ZFHX3: variants seen among roughly 807,000 people sequenced by gnomAD.
ZFHX3 encodes the protein zinc finger homeobox protein 3.
ZFHX3 carries 42 observed loss-of-function variants against 279.1 expected under a neutral mutation model. That is an observed-to-expected ratio of 0.15 (90% CI 0.12 to 0.19). The LOEUF is 0.19. ZFHX3 is among the 10% of genes least tolerant of loss of function. The pLI is 1.00. For missense variants in ZFHX3, 4,981 were observed against 4,754.0 expected (o/e 1.05, Z -1.40); for synonymous variants, 2,293 against 1,957.8 (o/e 1.17, Z -4.52).
intron 1 of ZFHX3, among the ~76,000 whole-genome samples, chr16:73,056,996 G>A (rs1039616070): frequency 5.9e-5 from 9 of 152,102 alleles, no homozygotes; most frequent in African/African-American, 1.9e-4. Context: ...TTACAGCCAA[G>A]CGATCACCGT....
chr16:73,187,011 G>T (rs964925202), intron 5 of ZFHX3, among the ~76,000 whole-genome samples: 1 of 152,226 alleles, frequency 6.6e-6, no homozygotes, highest in African/African-American at 2.4e-5. Flanking sequence ...AGGCCAGAAA[G>T]GTTGACCCTT....
chr16:73,716,047 T>G (rs1439979718), intron 1 of ZFHX3, among the ~76,000 whole-genome samples: 1 of 152,226 alleles, frequency 6.6e-6, no homozygotes, highest in Non-Finnish European at 1.5e-5. Flanking sequence ...TATTGACGTC[T>G]TTTGTCTATT....
intron 2 of ZFHX3, among the ~76,000 whole-genome samples, chr16:73,481,911 G>A (rs2018876648): frequency 6.6e-6 from 1 of 152,176 alleles, no homozygotes; most frequent in Non-Finnish European, 1.5e-5. Flanking sequence ...CAGGGAGGGT[G>A]AGAAAGGTCT....
intron 1 of ZFHX3, among the ~76,000 whole-genome samples, chr16:73,874,047 G>C (rs1440128071): frequency 6.6e-6 from 1 of 152,074 alleles, no homozygotes; most frequent in Non-Finnish European, 1.5e-5. Context: ...CTCAGGATTA[G>C]GGTCAGATGA....
At chr16:73,191,501 T>C (rs1449885783) in intron 5 of ZFHX3, among the ~76,000 whole-genome samples, 2 of 152,326 alleles carry the variant, frequency 1.3e-5, no homozygotes, top group East Asian at 3.9e-4. Context: ...TCAAGTCATT[T>C]GGAGAAAGCT....
At chr16:73,058,354 G>T (rs1301523364) in intron 1 of ZFHX3, among the ~76,000 whole-genome samples, 1 of 148,940 alleles carries the variant, frequency 6.7e-6, no homozygotes, top group Non-Finnish European at 1.5e-5. Context: ...GCGGGCGCGG[G>T]GAGCGCGGGC....
At position 73,520,784 on chromosome 16, in the gene ZFHX3, G is replaced by GA. The variant is rs750038898; in HGVS notation, c.-1546-64527dup. The stretch of plus-strand genomic sequence containing the variant: ...TATTTAGCACCTACTATTTACACTG[G>GA]AAAAATAAAAGATGATTATGAAGAC... On this transcript the variant is annotated intron_variant, in intron 2 of 17. Transcript: ENST00000641206. Among the ~76,000 whole-genome samples, 97 of 152,188 alleles carry GA rather than the reference G, an allele frequency of 6.4e-4. 1 individual carries two copies. Among genetic ancestry groups the GA allele is most frequent in the African/African-American group, 2.2e-3 (93 of 41,526 alleles).
chr16:73,153,772 C>T (rs531075229), intron 5 of ZFHX3, among the ~76,000 whole-genome samples: 1 of 152,098 alleles, frequency 6.6e-6, no homozygotes, highest in Admixed American at 6.5e-5. Context: ...GCCTCAGCCT[C>T]CTGAGTAGCT....
At chr16:72,953,492 A>G (rs143457337) in intron 2 of ZFHX3, among the ~76,000 whole-genome samples, 80 of 152,338 alleles carry the variant, frequency 5.3e-4, no homozygotes, top group Admixed American at 3.1e-3. Flanking sequence ...ACCCCGGCAC[A>G]TCAACATCGC....
At chr16:73,835,378 G>A (rs552612001) in intron 1 of ZFHX3, among the ~76,000 whole-genome samples, 30 of 145,420 alleles carry the variant, frequency 2.1e-4, no homozygotes, top group African/African-American at 2.8e-4. Context: ...TTTTCCCACC[G>A]TCCCTCTTCT....
chr16:73,605,478 A>C (rs1331124979), intron 2 of ZFHX3, among the ~76,000 whole-genome samples: 1 of 152,156 alleles, frequency 6.6e-6, no homozygotes, highest in African/African-American at 2.4e-5. Context: ...CTTAGCCCCA[A>C]ATTAAGTCAG....
intron 2 of ZFHX3, among the ~76,000 whole-genome samples, chr16:73,621,518 T>C (rs1223477558): frequency 1.3e-5 from 2 of 152,150 alleles, no homozygotes; most frequent in African/African-American, 2.4e-5. Context: ...TCTAAATGGT[T>C]GTGTTTATTT....
At chr16:73,609,196 C>T (rs1170179209) in intron 2 of ZFHX3, 2 of 152,106 alleles carry the variant, frequency 1.3e-5, no homozygotes, top group East Asian at 1.9e-4. Context: ...AGTGAGAAGG[C>T]GATGCAAATA....
chr16:73,555,714 C>G (rs1168368253), intron 2 of ZFHX3, among the ~76,000 whole-genome samples: 1 of 151,790 alleles, frequency 6.6e-6, no homozygotes, highest in Non-Finnish European at 1.5e-5. Flanking sequence ...CACCTGTAAT[C>G]CCAGCTACTG....
At chr16:73,487,728 C>G (rs72799501) in intron 2 of ZFHX3, 1 of 165,168 alleles carries the variant, frequency 6.1e-6, no homozygotes, top group African/African-American at 2.4e-5. Context: ...AGCCTCCTCC[C>G]GCACTAACTC....
intron 1 of ZFHX3, among the ~76,000 whole-genome samples, chr16:73,766,970 C>T (rs2053954228): frequency 7.1e-6 from 1 of 141,278 alleles, no homozygotes; most frequent in African/African-American, 2.7e-5. Context: ...GAGTCTTACT[C>T]TGTTGCCCAG....
chr16:73,553,329 G>A (rs2020229375), intron 2 of ZFHX3, among the ~76,000 whole-genome samples: 1 of 151,884 alleles, frequency 6.6e-6, no homozygotes, highest in African/African-American at 2.4e-5. Flanking sequence ...GCTCTCTAGA[G>A]GTCACAAGAA....
At chr16:73,641,711 G>C (rs1415640668) in intron 2 of ZFHX3, among the ~76,000 whole-genome samples, 1 of 152,084 alleles carries the variant, frequency 6.6e-6, no homozygotes, top group African/African-American at 2.4e-5. Flanking sequence ...TACATAAATA[G>C]CAGAAGACAT....
chr16:72,800,918 C>T (rs1057502517), intron 7 of ZFHX3, among the ~76,000 whole-genome samples: 2 of 152,170 alleles, frequency 1.3e-5, no homozygotes, highest in African/African-American at 4.8e-5. Flanking sequence ...TTCTGGAAAT[C>T]GCCTGGATCC....
Sources: gnomAD v4.1 joint callset for allele counts (sites outside exome capture counted in the v4.1 genomes callset) on GRCh38, gnomAD v4.1.1 for gene constraint, MANE v1.5 for transcripts, NCBI Gene and HGNC (gene_info 2026-07-23, HGNC 2026-07-21) for gene names.